The following GXYLT1 variants were observed in gnomAD, a reference collection of about 807,000 sequenced individuals.
The protein encoded by GXYLT1 is glycosyltransferase 8 domain containing 3.
Under a neutral mutation model 54.0 loss-of-function variants are expected in GXYLT1, and 29 were observed. The ratio of observed to expected loss-of-function variants is 0.54; its 90% CI spans 0.40 to 0.73. The LOEUF (loss-of-function observed/expected upper bound fraction) is 0.73, where lower values mean the gene tolerates loss of function less well. Among genes scored for constraint, GXYLT1 ranks in the 30% least tolerant of loss-of-function variants. The probability of loss-of-function intolerance (pLI) is 0.00; values close to 1 mark genes in which losing one functional copy is unlikely to be tolerated. For missense variants in GXYLT1, 490 were observed against 553.4 expected (o/e 0.89, Z 1.15); for synonymous variants, 176 against 204.1 (o/e 0.86, Z 1.17).
chr12:42,120,336 A>G (rs142949234), intron 2 of GXYLT1, among the ~76,000 whole-genome samples: 102 of 152,318 alleles, frequency 6.7e-4, no homozygotes, highest in African/African-American at 2.3e-3. Context: ...CCCATTTACC[A>G]AATATCTAGG....
chr12:42,111,105 T>C (rs1343320710), intron 3 of GXYLT1, among the ~76,000 whole-genome samples: 1 of 152,202 alleles, frequency 6.6e-6, no homozygotes, highest in Admixed American at 6.5e-5. Context: ...TCTTAACCCC[T>C]AGGACAAGAT....
intron 7 of GXYLT1, among the ~76,000 whole-genome samples, chr12:42,092,445 C>T (rs2065334218): frequency 6.6e-6 from 1 of 152,016 alleles, no homozygotes; most frequent in African/African-American, 2.4e-5. Flanking sequence ...TCCAAACCTC[C>T]CCTGGATTTG....
chr12:42,094,351 CAAA>C (rs11406709), intron 7 of GXYLT1, among the ~76,000 whole-genome samples: 17 of 74,598 alleles, frequency 2.3e-4, no homozygotes, highest in African/African-American at 2.8e-4. Context: ...AACCCTGCCT[CAAA>C]AAAAAAAAAA....
rs77838761 is a variant in GXYLT1, at chr12:42,119,122, C to T, written c.364G>A (p.Ala122Thr). The T allele has an allele frequency of 0.059, 76,337 of 1,293,254 alleles. 1 individual carries two copies. Among genetic ancestry groups the T allele is most frequent in the South Asian group, 0.23 (13,371 of 57,498 alleles). 80.1% of individuals were successfully genotyped at this position (1,293,254 alleles called of 1,614,324 possible). The change falls in exon 3 of 8, where the codon GCC becomes ACC. Residue 122 changes from alanine to threonine, a missense_variant. Ala to Thr is a moderately conservative substitution (Grantham distance 58). Transcript: ENST00000398675. Reference sequence around the variant, plus strand: ...GTTTCTTCCAGTCTTTCACCACAGGCAACTACAGCTAGATGCATTTTCTCA... The same window carrying T: ...GTTTCTTCCAGTCTTTCACCACAGGTAACTACAGCTAGATGCATTTTCTCA... ...PVEKMHLAVV[A>T]CGERLEETMT...
At position 42,097,667 on chromosome 12, in the gene GXYLT1, G is replaced by T. The variant is rs2065364042; in HGVS notation, c.989-53C>A. ...AGCAAATACCCCTAATTCCACAGAT[G>T]TAACATTATGCAAAACTTTCAGTTA... On this transcript the variant is annotated intron_variant, in intron 6 of 7. Coordinates refer to ENST00000398675, the MANE Select transcript of GXYLT1 (RefSeq NM_173601.2). 1.5e-5 allele frequency: 21 copies of T among 1,441,172 alleles called. No homozygotes were observed. In the East Asian group the frequency reaches 4.9e-4, roughly 33 times the overall value. 89.3% of individuals were successfully genotyped at this position (1,441,172 alleles called of 1,614,324 possible). A position where few individuals can be genotyped will look rare whatever the true frequency, so the allele number is the denominator to read the frequency against.
At chr12:42,089,490 A>C (rs1304324897) in intron 7 of GXYLT1, among the ~76,000 whole-genome samples, 1 of 152,178 alleles carries the variant, frequency 6.6e-6, no homozygotes, top group African/African-American at 2.4e-5. Flanking sequence ...GTATAATAAA[A>C]TATATATACA....
chr12:42,101,349 T>G (rs2065388923), intron 5 of GXYLT1, among the ~76,000 whole-genome samples: 1 of 152,064 alleles, frequency 6.6e-6, no homozygotes. Context: ...AAAATATGAA[T>G]TTTAAAATAT....
chr12:42,120,987 ACTTTCTACT>A (rs1382916175), intron 2 of GXYLT1, among the ~76,000 whole-genome samples: 1 of 152,094 alleles, frequency 6.6e-6, no homozygotes, highest in Non-Finnish European at 1.5e-5. Context: ...TGGAGGGGAG[ACTTTCTACT>A]CTTTCTACGT....
chr12:42,122,979 G>GAA (rs1361437164), intron 2 of GXYLT1, among the ~76,000 whole-genome samples: 1 of 151,708 alleles, frequency 6.6e-6, no homozygotes, highest in Non-Finnish European at 1.5e-5. Flanking sequence ...CAAAAATCCT[G>GAA]AATCTAATAA....
intron 3 of GXYLT1, among the ~76,000 whole-genome samples, chr12:42,115,985 A>C (rs534029548): frequency 8.5e-4 from 129 of 150,960 alleles, no homozygotes; most frequent in African/African-American, 3.0e-3. Context: ...GCATATCTAT[A>C]ACTATCTGAT....
intron 5 of GXYLT1, among the ~76,000 whole-genome samples, chr12:42,103,206 A>C (rs965681777): frequency 6.6e-6 from 1 of 152,118 alleles, no homozygotes; most frequent in African/African-American, 2.4e-5. Flanking sequence ...TGATCCACCC[A>C]CCTCGGTCTC....
intron 2 of GXYLT1, among the ~76,000 whole-genome samples, chr12:42,121,292 G>C (rs751823927): frequency 6.6e-6 from 1 of 152,152 alleles, no homozygotes; most frequent in Non-Finnish European, 1.5e-5. Flanking sequence ...GTTTTGTAGA[G>C]CATCAGCTAT....
chr12:42,128,285 G>T (rs2065574698), intron 2 of GXYLT1, among the ~76,000 whole-genome samples: 1 of 152,120 alleles, frequency 6.6e-6, no homozygotes, highest in Non-Finnish European at 1.5e-5. Flanking sequence ...AAATATGTAA[G>T]ATGATAAACA....
At chr12:42,111,001 C>G (rs1477657054) in intron 3 of GXYLT1, among the ~76,000 whole-genome samples, 1 of 152,196 alleles carries the variant, frequency 6.6e-6, no homozygotes, top group Non-Finnish European at 1.5e-5. Context: ...GTAAACACAA[C>G]ACAGAGGCTG....
chr12:42,131,673 C>T (rs1010525799), intron 1 of GXYLT1, among the ~76,000 whole-genome samples: 29 of 152,170 alleles, frequency 1.9e-4, no homozygotes, highest in African/African-American at 6.5e-4. Context: ...GTGTATGTAT[C>T]GGTAAAACTT....
At chr12:42,091,767 C>G (rs943422119) in intron 7 of GXYLT1, among the ~76,000 whole-genome samples, 20 of 152,258 alleles carry the variant, frequency 1.3e-4, no homozygotes, top group African/African-American at 3.9e-4. Flanking sequence ...TTGTCTACCA[C>G]CAAGTTTAAG....
chr12:42,110,943 A>C (rs1426674726), intron 3 of GXYLT1, among the ~76,000 whole-genome samples: 3 of 152,240 alleles, frequency 2.0e-5, no homozygotes, highest in African/African-American at 7.2e-5. Context: ...AACGAAAACT[A>C]AGTTCAAAAA....
intron 7 of GXYLT1, among the ~76,000 whole-genome samples, chr12:42,091,338 G>C (rs547238471): frequency 6.6e-6 from 1 of 151,746 alleles, no homozygotes; most frequent in Non-Finnish European, 1.5e-5. Flanking sequence ...ACTATTACTC[G>C]TATTTTTAAA....
chr12:42,113,932 T>C (rs1035268559), intron 3 of GXYLT1, among the ~76,000 whole-genome samples: 5 of 151,932 alleles, frequency 3.3e-5, no homozygotes, highest in African/African-American at 1.2e-4. Context: ...AAACTGTCTC[T>C]CAGACCACAG....
Sources: gnomAD v4.1 joint callset for allele counts (sites outside exome capture counted in the v4.1 genomes callset) on GRCh38, gnomAD v4.1.1 for gene constraint, MANE v1.5 for transcripts, NCBI Gene and HGNC (gene_info 2026-07-23, HGNC 2026-07-21) for gene names.